Variants in VPS37A observed in about 807,000 individuals in gnomAD.
VPS37A encodes VPS37A subunit of ESCRT-I, also known as vacuolar protein sorting-associated protein 37A.
A neutral mutation model predicts 49.8 loss-of-function variants in VPS37A; 30 were observed. That is an observed-to-expected ratio of 0.60 (90% CI 0.45 to 0.82). VPS37A has a LOEUF of 0.82. Among genes scored for constraint, VPS37A ranks in the 40% least tolerant of loss-of-function variants. The pLI is 0.00. For synonymous variants in VPS37A, 195 were observed against 160.6 expected, an observed-to-expected ratio of 1.21 and a Z score of -1.62; for missense variants, 593 against 464.4, an observed-to-expected ratio of 1.28 and a Z score of -2.55.
rs1208361328 is a variant in VPS37A, at chr8:17,290,415, C to G, written c.*3988C>G. 2.0e-5 allele frequency among the ~76,000 whole-genome samples: 3 copies of G among 152,094 alleles called. No homozygotes were observed. In the East Asian group the frequency reaches 5.8e-4, roughly 30 times the overall value. On this transcript the variant is annotated intron_variant, in intron 11 of 11. Transcript: ENST00000324849. ...AGGGGTGTTGAATTTTATCGAAGGC[C>G]TTTTCTGCATCTATGAGATAATTGT...
chr8:17,320,090 T>A, the VPS37A span, among the ~76,000 whole-genome samples: 1 of 152,084 alleles, frequency 6.6e-6, no homozygotes, highest in Non-Finnish European at 1.5e-5. Flanking sequence ...ACATTTGGGA[T>A]AGACGGGGTT....
chr8:17,287,675 C>G (rs1034169381), intron 11 of VPS37A, among the ~76,000 whole-genome samples: 1 of 149,982 alleles, frequency 6.7e-6, no homozygotes, highest in Non-Finnish European at 1.5e-5. Context: ...AAGACTCTGT[C>G]TCAAAAAAAA....
At chr8:17,289,818 A>T (rs1200110591) in intron 11 of VPS37A, among the ~76,000 whole-genome samples, 5 of 152,042 alleles carry the variant, frequency 3.3e-5, no homozygotes, top group Admixed American at 1.3e-4. Context: ...CACGATATTG[A>T]TTCTTTCTAT....
chr8:17,292,923 A>G lies in VPS37A; in HGVS notation c.*1-2064A>G, dbSNP rs953201136. Among the ~76,000 whole-genome samples, 7 of 151,928 alleles carry G rather than the reference A, an allele frequency of 4.6e-5. 1 individual carries two copies. The highest frequency in any genetic ancestry group is 1.7e-4 in the African/African-American group (7 of 41,358). On this transcript the variant is annotated intron_variant, in intron 11 of 11. Transcript: ENST00000324849. ...CATTTCAACCTTGGTAAATCTGACA[A>G]TTACGTCTTGGGTTTGCTCTTCTCA...
intron 9 of VPS37A, among the ~76,000 whole-genome samples, chr8:17,282,549 TAAAA>T (rs1192309798): frequency 6.6e-6 from 1 of 151,978 alleles, no homozygotes; most frequent in African/African-American, 2.4e-5. Flanking sequence ...AAATTGAAGT[TAAAA>T]AAAGGGTACA....
chr8:17,305,192 GATA>G (rs1220553394), downstream of VPS37A, among the ~76,000 whole-genome samples: 8 of 152,100 alleles, frequency 5.3e-5, no homozygotes, highest in Non-Finnish European at 1.2e-4. Context: ...AATTAAATCT[GATA>G]ATGTTGTATA....
At chr8:17,251,632 G>C (rs1811987598) in intron 1 of VPS37A, among the ~76,000 whole-genome samples, 1 of 152,110 alleles carries the variant, frequency 6.6e-6, no homozygotes, top group Non-Finnish European at 1.5e-5. Flanking sequence ...GTCCATTCCA[G>C]ACAGTTAGTT....
intron 4 of VPS37A, among the ~76,000 whole-genome samples, chr8:17,271,406 C>T (rs2150383343): frequency 6.6e-6 from 1 of 152,242 alleles, no homozygotes; most frequent in East Asian, 1.9e-4. Context: ...GAGATCGAGA[C>T]CATCCTGGCT....
rs1286211325 is a variant in VPS37A at position 17,296,085 on chromosome 8, A to T, written c.*1099A>T. ...AACAAACTAATGCATAATTTTGCTT[A>T]AATTTCATCCCAGTATGATTGTCTT... is the stretch of plus-strand genomic sequence containing the variant. On this transcript the variant is annotated 3_prime_UTR_variant, in exon 12 of 12. Transcript: ENST00000324849. The T allele has an allele frequency of 6.6e-6, 1 of 152,242 alleles. No individual in the cohort carries two copies. Among genetic ancestry groups the T allele is most frequent in the African/African-American group, 2.4e-5 (1 of 41,468 alleles). The allele number at this position is 152,242 out of a possible 1,614,324, so 9.4% of individuals were successfully genotyped here. A position where few individuals can be genotyped will look rare whatever the true frequency, so the allele number is the denominator to read the frequency against.
chr8:17,318,332 A>G, the VPS37A span, among the ~76,000 whole-genome samples: 1 of 152,258 alleles, frequency 6.6e-6, no homozygotes, highest in African/African-American at 2.4e-5. Flanking sequence ...TGTGGAGTCC[A>G]CAGAAAAAGC....
downstream of VPS37A, among the ~76,000 whole-genome samples, chr8:17,304,808 T>G (rs183972104): frequency 1.4e-5 from 2 of 147,728 alleles, no homozygotes; most frequent in African/African-American, 5.2e-5. Flanking sequence ...CCCCAAATAG[T>G]CATTGGACAT....
In VPS37A at chr8:17,247,004, G is replaced by A. The variant is rs1811276928; in HGVS notation, c.-241G>A. The A allele has an allele frequency of 5.5e-6, 3 of 548,864 alleles. No individual in the cohort carries two copies. The highest frequency in any genetic ancestry group is 6.6e-5 in the East Asian group (2 of 30,166). 34.0% of individuals were successfully genotyped at this position (548,864 alleles called of 1,614,324 possible). On this transcript the variant is annotated 5_prime_UTR_variant, in exon 1 of 12. The change creates a new upstream start codon in the 5' untranslated region. Transcript: ENST00000324849. ...GCTGGCCGGTTTGGGCGTCTGGGCC[G>A]TGAAGGTGGGACCTCCTGTTCCGGG... is the stretch of plus-strand genomic sequence containing the variant.
At position 17,274,725 on chromosome 8, in the gene VPS37A, C is replaced by G. The variant is rs1339277832; in HGVS notation, c.417-8C>G. 1 of 1,595,840 alleles carries G rather than the reference C, an allele frequency of 6.3e-7. No homozygotes were observed. The highest frequency in any genetic ancestry group is 2.2e-5 in the East Asian group (1 of 44,744). Reference sequence around the variant, plus strand: ...TCTAATGTAATGATCTTCTCTTTTTCTTTTCAGTCTATACAGTAACCCAAG... The same window carrying G: ...TCTAATGTAATGATCTTCTCTTTTTGTTTTCAGTCTATACAGTAACCCAAG... On this transcript the variant is annotated splice_polypyrimidine_tract_variant and splice_region_variant and intron_variant, in intron 4 of 11. Coordinates refer to ENST00000324849, the MANE Select transcript of VPS37A (RefSeq NM_152415.3).
At chr8:17,300,706 T>G (rs1297584095), downstream of VPS37A, among the ~76,000 whole-genome samples, 2 of 152,204 alleles carry the variant, frequency 1.3e-5, no homozygotes, top group East Asian at 1.9e-4. Context: ...CACTACTAAT[T>G]ATAAAACACT....
At chr8:17,306,906 T>G (rs1445629528), downstream of VPS37A, among the ~76,000 whole-genome samples, 1 of 136,124 alleles carries the variant, frequency 7.3e-6, no homozygotes, top group Non-Finnish European at 1.6e-5. Flanking sequence ...ATTAAAGACT[T>G]AAACGTTAGA....
intron 10 of VPS37A, among the ~76,000 whole-genome samples, chr8:17,285,032 CTT>C (rs1433161942): frequency 5.9e-5 from 9 of 151,926 alleles, no homozygotes; most frequent in South Asian, 2.1e-4. Flanking sequence ...TGCTAATAAA[CTT>C]TGTGCTGATC....
At chr8:17,268,804 T>TTATA in intron 3 of VPS37A, 52 bp from the exon 4 acceptor site, 1 of 1,233,656 alleles carries the variant, frequency 8.1e-7, no homozygotes, top group Non-Finnish European at 1.2e-6. Flanking sequence ...TAATGAGACT[T>TTATA]TATAATCTTT....
downstream of VPS37A, among the ~76,000 whole-genome samples, chr8:17,302,703 A>AAACCCC (rs1817196933): frequency 9.7e-5 from 1 of 10,350 alleles, no homozygotes; most frequent in Non-Finnish European, 3.4e-4. Flanking sequence ...ATTGGCAATA[A>AAACCCC]CCCCCCCCCC....
At chr8:17,279,989 G>GT (rs1350254715) in intron 6 of VPS37A, 39 bp from the exon 7 acceptor site, 14 of 1,607,062 alleles carry the variant, frequency 8.7e-6, no homozygotes, top group Non-Finnish European at 1.1e-5. Flanking sequence ...AAAACTCGAT[G>GT]TCTGATATTT....
Sources: gnomAD v4.1 joint callset for allele counts (sites outside exome capture counted in the v4.1 genomes callset) on GRCh38, gnomAD v4.1.1 for gene constraint, MANE v1.5 for transcripts, NCBI Gene and HGNC (gene_info 2026-07-23, HGNC 2026-07-21) for gene names.